Variants in ERN1 observed in about 807,000 individuals in gnomAD.
ERN1 encodes the protein endoplasmic reticulum to nucleus signaling 1.
A neutral mutation model predicts 113.1 loss-of-function variants in ERN1; 39 were observed. The ratio of observed to expected loss-of-function variants is 0.34; its 90% CI spans 0.27 to 0.45. ERN1 has a LOEUF of 0.45. ERN1 is among the 20% of genes least tolerant of loss of function. The probability of loss-of-function intolerance (pLI) is 1.00; values close to 1 mark genes in which losing one functional copy is unlikely to be tolerated. For synonymous variants in ERN1, 507 were observed against 515.9 expected, an observed-to-expected ratio of 0.98 and a Z score of 0.23; for missense variants, 976 against 1,274.8, an observed-to-expected ratio of 0.77 and a Z score of 3.57.
At chr17:64,048,907 G>T in intron 18 of ERN1, 148 bp downstream of exon 18, 1 of 661,856 alleles carries the variant, frequency 1.5e-6, no homozygotes, top group Non-Finnish European at 2.2e-6. Context: ...ACCAGATTTG[G>T]CACAAGTCTG....
At chr17:64,069,635 A>G (rs762362179) in intron 6 of ERN1, among the ~76,000 whole-genome samples, 3 of 152,174 alleles carry the variant, frequency 2.0e-5, no homozygotes, top group Non-Finnish European at 4.4e-5. Flanking sequence ...CCAATGTGTG[A>G]TATGTGTCTC....
intron 4 of ERN1, among the ~76,000 whole-genome samples, chr17:64,077,119 A>G (rs1339795942): frequency 1.3e-5 from 2 of 152,232 alleles, no homozygotes; most frequent in African/African-American, 4.8e-5. Context: ...AGCAGTGTTG[A>G]AGGTGAAATA....
At chr17:64,103,690 C>T (rs538744424) in intron 1 of ERN1, among the ~76,000 whole-genome samples, 1 of 152,254 alleles carries the variant, frequency 6.6e-6, no homozygotes, top group East Asian at 1.9e-4. Context: ...TGTTAGGGCT[C>T]TTCCATTAAT....
At chr17:64,048,958 G>A (rs1912597648) in intron 18 of ERN1, 97 bp downstream of exon 18, 6 of 1,243,024 alleles carry the variant, frequency 4.8e-6, no homozygotes, top group South Asian at 2.0e-5. Context: ...GGGGCACCAC[G>A]GCCTCTGTGA....
intron 1 of ERN1, among the ~76,000 whole-genome samples, chr17:64,100,658 C>G (rs981232953): frequency 5.0e-4 from 76 of 152,236 alleles, no homozygotes; most frequent in African/African-American, 1.8e-3. Context: ...GTATTCCCAG[C>G]TATTCAGAAG....
intron 2 of ERN1, among the ~76,000 whole-genome samples, chr17:64,095,263 T>C (rs1337955301): frequency 1.3e-5 from 2 of 152,098 alleles, no homozygotes; most frequent in Non-Finnish European, 2.9e-5. Context: ...ACTCCATCTC[T>C]ACTGAAAATA....
At chr17:64,125,118 T>A (rs1567890837) in intron 1 of ERN1, among the ~76,000 whole-genome samples, 1 of 152,324 alleles carries the variant, frequency 6.6e-6, no homozygotes, top group East Asian at 1.9e-4. Context: ...ATGGGTGAAT[T>A]GTGATGATAG....
intron 11 of ERN1, among the ~76,000 whole-genome samples, 169 bp downstream of exon 11, chr17:64,060,300 A>G (rs1451184227): frequency 6.6e-6 from 1 of 151,882 alleles, no homozygotes; most frequent in Non-Finnish European, 1.5e-5. Context: ...GTTGCTTCCT[A>G]TTCCTCTCCA....
intron 1 of ERN1, among the ~76,000 whole-genome samples, chr17:64,121,816 T>G (rs766098913): frequency 6.6e-6 from 1 of 152,176 alleles, no homozygotes; most frequent in Non-Finnish European, 1.5e-5. Flanking sequence ...ACTCTCTCCA[T>G]GATTGCTGGA....
In ERN1 at chr17:64,109,743, G is replaced by A. The variant is rs931571141; in HGVS notation, c.55-11502C>T. On this transcript the variant is annotated intron_variant, in intron 1 of 21. Coordinates refer to ENST00000433197, the MANE Select transcript of ERN1 (RefSeq NM_001433.5). ...CAGAGAGGTGAAGTGACTTGCCCAG[G>A]GCACCACAGACAGTTAACCATAGAC... is the stretch of plus-strand genomic sequence containing the variant. Among the ~76,000 whole-genome samples, 17 of 152,146 alleles carry A rather than the reference G, an allele frequency of 1.1e-4. 1 individual carries two copies. The highest frequency in any genetic ancestry group is 4.1e-4 in the African/African-American group (17 of 41,424).
At chr17:64,110,198 T>A (rs1049119427) in intron 1 of ERN1, among the ~76,000 whole-genome samples, 3 of 152,174 alleles carry the variant, frequency 2.0e-5, no homozygotes, top group African/African-American at 7.2e-5. Context: ...CCAGTCTTTT[T>A]AAAAAAAGTT....
intron 1 of ERN1, among the ~76,000 whole-genome samples, chr17:64,105,564 G>T (rs1468524609): frequency 6.6e-6 from 1 of 152,048 alleles, no homozygotes; most frequent in Non-Finnish European, 1.5e-5. Flanking sequence ...TTCAGAGGCT[G>T]GTTTTTTCTC....
intron 17 of ERN1, among the ~76,000 whole-genome samples, chr17:64,051,589 A>C (rs73328391): frequency 0.019 from 2,885 of 152,322 alleles, 96 homozygotes; most frequent in African/African-American, 0.065. Flanking sequence ...TGTCATGAGG[A>C]AAAAAGCAAA....
intron 19 of ERN1, among the ~76,000 whole-genome samples, chr17:64,047,130 G>C (rs937507324): frequency 4.6e-5 from 7 of 152,116 alleles, no homozygotes; most frequent in Admixed American, 4.6e-4. Flanking sequence ...AGGCTGAGGC[G>C]GGCAGATCAC....
chr17:64,075,251 TAAAAAAAAAA>T lies in ERN1; in HGVS notation c.283-14_283-5del. On this transcript the variant is annotated splice_polypyrimidine_tract_variant and splice_region_variant and intron_variant, in intron 4 of 21. Transcript: ENST00000433197. ...CTGGGATGGTAAAAGGAAGTTTCTT[TAAAAAAAAAA>T]AAAAAGAAAAAAAAAAGTTAACCAA... 2 of 1,288,340 alleles carry T rather than the reference TAAAAAAAAAA, an allele frequency of 1.6e-6. No homozygotes were observed. Among genetic ancestry groups the T allele is most frequent in the Non-Finnish European group, 2.0e-6 (2 of 980,736 alleles). The allele number at this position is 1,288,340 out of a possible 1,614,324, so 79.8% of individuals were successfully genotyped here. A position where few individuals can be genotyped will look rare whatever the true frequency, so the allele number is the denominator to read the frequency against.
chr17:64,098,661 C>A, intron 1 of ERN1: 1 of 479,450 alleles, frequency 2.1e-6, no homozygotes, highest in East Asian at 5.7e-5. Flanking sequence ...TTTTAAAAAG[C>A]AAAGAATTAG....
chr17:64,045,127 C>T (rs1051686893), intron 20 of ERN1, among the ~76,000 whole-genome samples, 200 bp from the exon 21 acceptor site: 4 of 151,988 alleles, frequency 2.6e-5, no homozygotes, highest in Admixed American at 6.5e-5. Context: ...ACACCCAGGT[C>T]AGAAATGACC....
In ERN1 at chr17:64,055,661, G is replaced by A. The variant is rs773196422; in HGVS notation, c.1672+14C>T. ...TAAAACATAAAATAGCACCAAGATG[G>A]CAACTGGCTTTACCTCCATCGTCTT... On this transcript the variant is annotated intron_variant, in intron 13 of 21. Coordinates refer to ENST00000433197, the MANE Select transcript of ERN1 (RefSeq NM_001433.5). 6.4e-7 allele frequency: 1 copy of A among 1,551,678 alleles called. No homozygotes were observed. Among genetic ancestry groups the A allele is most frequent in the South Asian group, 1.2e-5 (1 of 81,910 alleles).
chr17:64,105,111 CCTCT>C (rs141615522), intron 1 of ERN1, among the ~76,000 whole-genome samples: 3,191 of 152,140 alleles, frequency 0.021, 138 homozygotes, highest in African/African-American at 0.073. Flanking sequence ...ACTGTACATC[CCTCT>C]CTCTTTTTTC....
Sources: allele counts gnomAD v4.1 joint callset (sites outside exome capture counted in the v4.1 genomes callset), GRCh38; gene constraint gnomAD v4.1.1; transcripts MANE v1.5; gene names NCBI Gene and HGNC (gene_info 2026-07-23, HGNC 2026-07-21).